The following GRM5 variants were observed in gnomAD, a reference collection of about 807,000 sequenced individuals.
GRM5 encodes glutamate metabotropic receptor 5, also known as metabotropic glutamate receptor 5.
Under a neutral mutation model 83.1 loss-of-function variants are expected in GRM5, and 19 were observed. The observed-to-expected ratio is 0.23, with a 90% CI of 0.16 to 0.34. The LOEUF (loss-of-function observed/expected upper bound fraction) is 0.34, where lower values mean the gene tolerates loss of function less well. Among genes scored for constraint, GRM5 ranks in the 10% least tolerant of loss-of-function variants. GRM5 has a pLI of 1.00. For synonymous variants in GRM5, 675 were observed against 633.6 expected (o/e 1.07, Z -0.98); for missense variants, 1,160 against 1,588.3 (o/e 0.73, Z 4.58).
rs547629887 is a variant in GRM5, at chr11:88,692,306, T to C, written c.912-38903A>G. ...ATTTGCCTATATCTGTCTTTAGCAA[T>C]TCCTATTGGATTTTATACAGAGTAA... On this transcript the variant is annotated intron_variant, in intron 3 of 9. Transcript: ENST00000305447. 2.8e-4 allele frequency among the ~76,000 whole-genome samples: 42 copies of C among 152,348 alleles called. 1 individual carries two copies. In the South Asian group the frequency reaches 8.1e-3, roughly 29 times the overall value.
intron 3 of GRM5, among the ~76,000 whole-genome samples, chr11:88,748,045 C>A (rs1458418191): frequency 6.6e-6 from 1 of 152,100 alleles, no homozygotes; most frequent in East Asian, 1.9e-4. Context: ...AGCAGAGAGC[C>A]AAAGGAACCC....
chr11:88,635,157 T>C (rs755583039), intron 4 of GRM5, among the ~76,000 whole-genome samples: 3 of 152,250 alleles, frequency 2.0e-5, no homozygotes, highest in African/African-American at 7.2e-5. Context: ...CTCTTTGATA[T>C]ACTGGTTTCA....
At chr11:88,944,154 T>C (rs1391003097) in intron 2 of GRM5, among the ~76,000 whole-genome samples, 2 of 151,952 alleles carry the variant, frequency 1.3e-5, no homozygotes, top group Non-Finnish European at 2.9e-5. Context: ...AATGAGAATT[T>C]TACTCTGAAA....
chr11:88,509,195 C>A lies in GRM5; in HGVS notation c.3036G>T (p.Ala1012=), dbSNP rs1430207352. 2.0e-6 allele frequency: 3 copies of A among 1,533,570 alleles called. No individual in the cohort carries two copies. Among genetic ancestry groups the A allele is most frequent in the African/African-American group, 2.8e-5 (2 of 71,074 alleles). The allele number at this position is 1,533,570 out of a possible 1,614,324, so 95.0% of individuals were successfully genotyped here. Residue 1012 remains alanine (A), a synonymous_variant, in exon 10 of 10, where the codon GCG becomes GCT. Transcript: ENST00000305447. ...GCGACGGTGAGCGCGGCCGCGCGGG[C>A]GCCGGGAAGTGCTCCTCAGCCTCGG... ...DVAEAEEHFP[A]PARPRSPSPI...
At position 88,920,263 on chromosome 11, in the gene GRM5, A is replaced by T. The variant is rs188603725; in HGVS notation, c.662-70108T>A. Among the ~76,000 whole-genome samples, 1,249 of 152,134 alleles carry T rather than the reference A, an allele frequency of 8.2e-3. 14 individuals are homozygous for T. Among genetic ancestry groups the T allele is most frequent in the African/African-American group, 0.029 (1,192 of 41,562 alleles). ...GGATCATTGTAGACTACTATGAGCAACTATATGCCAATAAATTGGAAAACC... is the reference window on the plus strand; with the variant it reads ...GGATCATTGTAGACTACTATGAGCATCTATATGCCAATAAATTGGAAAACC... On this transcript the variant is annotated intron_variant, in intron 2 of 9. Coordinates refer to ENST00000305447, the MANE Select transcript of GRM5 (RefSeq NM_001143831.3).
In GRM5 at chr11:88,979,599, G is replaced by A. The variant is rs201380723; in HGVS notation, c.661+67613C>T. 7.9e-5 allele frequency among the ~76,000 whole-genome samples: 12 copies of A among 151,970 alleles called. No individual in the cohort carries two copies. The East Asian group carries it at 1.7e-3, about 22-fold the overall frequency. ...ACCATGCCATTTGCTTTTTTTCAGG[G>A]CCCATCTTACTATTTGTAGAAAAGC... On this transcript the variant is annotated intron_variant, in intron 2 of 9. Coordinates refer to ENST00000305447, the MANE Select transcript of GRM5 (RefSeq NM_001143831.3).
At chr11:88,776,703 A>T (rs977872232) in intron 3 of GRM5, among the ~76,000 whole-genome samples, 1 of 152,160 alleles carries the variant, frequency 6.6e-6, no homozygotes, top group African/African-American at 2.4e-5. Context: ...TATGAAGCTT[A>T]GTTTGGCTGG....
At chr11:88,907,832 C>T (rs183683743) in intron 2 of GRM5, among the ~76,000 whole-genome samples, 58 of 152,108 alleles carry the variant, frequency 3.8e-4, no homozygotes, top group Non-Finnish European at 7.1e-4. Context: ...ATTGTTTATT[C>T]TCATATATAT....
At chr11:88,548,501 T>C (rs1489905725) in intron 8 of GRM5, among the ~76,000 whole-genome samples, 1 of 152,180 alleles carries the variant, frequency 6.6e-6, no homozygotes, top group African/African-American at 2.4e-5. Context: ...GAAGGGAGTG[T>C]TTTAGATGCA....
intron 3 of GRM5, among the ~76,000 whole-genome samples, chr11:88,687,666 A>G (rs1414557399): frequency 7.5e-6 from 1 of 133,610 alleles, no homozygotes; most frequent in Non-Finnish European, 1.5e-5. Flanking sequence ...CTATTTCTAT[A>G]TAGTTTCACT....
intron 3 of GRM5, among the ~76,000 whole-genome samples, chr11:88,831,614 C>T (rs564259834): frequency 1.6e-4 from 24 of 152,282 alleles, no homozygotes; most frequent in African/African-American, 5.8e-4. Flanking sequence ...GGGAGTTTGG[C>T]AATCGCTCTG....
chr11:89,037,937 T>C (rs1176131013), intron 2 of GRM5, among the ~76,000 whole-genome samples: 6 of 152,298 alleles, frequency 3.9e-5, no homozygotes, highest in Non-Finnish European at 5.9e-5. Context: ...AGGCTATTTA[T>C]GGCTATGTGT....
At chr11:88,576,842 A>G (rs563283443) in intron 7 of GRM5, among the ~76,000 whole-genome samples, 17 of 152,276 alleles carry the variant, frequency 1.1e-4, no homozygotes, top group Middle Eastern at 3.4e-3. Context: ...TGCACACATA[A>G]TAGGAGCTAT....
chr11:88,634,655 A>G (rs1320948118), intron 4 of GRM5, among the ~76,000 whole-genome samples: 2 of 152,214 alleles, frequency 1.3e-5, no homozygotes, highest in African/African-American at 4.8e-5. Flanking sequence ...CACCTCCTGA[A>G]GGACTTGCCT....
At chr11:88,527,828 T>C (rs752190989) in intron 8 of GRM5, among the ~76,000 whole-genome samples, 3 of 151,984 alleles carry the variant, frequency 2.0e-5, no homozygotes, top group Non-Finnish European at 2.9e-5. Context: ...ACCAAACTAA[T>C]GGAGAAACAG....
At chr11:88,810,213 A>G (rs1253980998) in intron 3 of GRM5, among the ~76,000 whole-genome samples, 2 of 152,110 alleles carry the variant, frequency 1.3e-5, no homozygotes, top group Admixed American at 6.6e-5. Flanking sequence ...GAAGGGTGCT[A>G]TGTATGGCAG....
intron 3 of GRM5, among the ~76,000 whole-genome samples, chr11:88,702,138 G>C (rs1312995877): frequency 6.6e-6 from 1 of 151,912 alleles, no homozygotes; most frequent in Non-Finnish European, 1.5e-5. Context: ...TGGGGGTTAG[G>C]ATTTCATTTT....
intron 7 of GRM5, among the ~76,000 whole-genome samples, chr11:88,570,689 T>C (rs1591356484): frequency 6.7e-6 from 1 of 148,766 alleles, no homozygotes; most frequent in African/African-American, 2.5e-5. Context: ...AAGCGATTCT[T>C]GTGCCTCAGC....
intron 3 of GRM5, among the ~76,000 whole-genome samples, chr11:88,780,195 C>T (rs1189414185): frequency 2.6e-5 from 4 of 152,194 alleles, no homozygotes; most frequent in African/African-American, 9.6e-5. Context: ...TAATAGCTGT[C>T]TTCCCTGCTG....
Sources: gnomAD v4.1 joint callset for allele counts (sites outside exome capture counted in the v4.1 genomes callset) on GRCh38, gnomAD v4.1.1 for gene constraint, MANE v1.5 for transcripts, NCBI Gene and HGNC (gene_info 2026-07-23, HGNC 2026-07-21) for gene names.